Variants in TSPAN18 observed in about 807,000 individuals in gnomAD.
TSPAN18 encodes the protein tetraspanin-18.
Under a neutral mutation model 27.3 loss-of-function variants are expected in TSPAN18, and 14 were observed. That is an observed-to-expected ratio of 0.51 (90% CI 0.34 to 0.80). The LOEUF is 0.80. Among genes scored for constraint, TSPAN18 ranks in the 30% least tolerant of loss-of-function variants. The probability of loss-of-function intolerance (pLI) is 0.01; values close to 1 mark genes in which losing one functional copy is unlikely to be tolerated. For missense variants in TSPAN18, 268 were observed against 323.9 expected (o/e 0.83, Z 1.32); for synonymous variants, 143 against 136.5 (o/e 1.05, Z -0.33).
chr11:44,908,744 A>AAGAGAG (rs56785088), intron 4 of TSPAN18, among the ~76,000 whole-genome samples: 1 of 90,470 alleles, frequency 1.1e-5, no homozygotes, highest in African/African-American at 4.7e-5. Flanking sequence ...AAAAGAAAGA[A>AAGAGAG]AGAGAGAGAG....
Position 44,932,066 on chromosome 11 carries a change from T to C in TSPAN18, c.*2888T>C, listed in dbSNP as rs1479830327. ...CCAGGGTCCCTGTTAATTTCTGGCC[T>C]TGGTGCTCAGGCCTGTCCACAGCCT... On this transcript the variant is annotated 3_prime_UTR_variant, in exon 10 of 10. Coordinates refer to ENST00000520358, the MANE Select transcript of TSPAN18 (RefSeq NM_130783.5). 1 of 152,212 alleles carries C rather than the reference T, an allele frequency of 6.6e-6. No homozygotes were observed. The highest frequency in any genetic ancestry group is 2.4e-5 in the African/African-American group (1 of 41,430). The allele number at this position is 152,212 out of a possible 1,614,324, so 9.4% of individuals were successfully genotyped here.
chr11:44,762,348 T>A (rs1025448265), intron 1 of TSPAN18, among the ~76,000 whole-genome samples: 1 of 152,248 alleles, frequency 6.6e-6, no homozygotes, highest in East Asian at 1.9e-4. Flanking sequence ...TGACAAATGA[T>A]ATTGCAGAAT....
chr11:44,760,532 T>C (rs1855430282), intron 1 of TSPAN18, among the ~76,000 whole-genome samples: 1 of 152,348 alleles, frequency 6.6e-6, no homozygotes. Flanking sequence ...TGTATGTATG[T>C]TATATTTCAA....
At chr11:44,802,533 G>T (rs1856504111) in intron 2 of TSPAN18, among the ~76,000 whole-genome samples, 1 of 152,040 alleles carries the variant, frequency 6.6e-6, no homozygotes, top group Non-Finnish European at 1.5e-5. Context: ...CCAGAGACCA[G>T]AGAAGATAGA....
intron 2 of TSPAN18, among the ~76,000 whole-genome samples, chr11:44,840,074 C>CA (rs757071758): frequency 1.2e-4 from 18 of 152,214 alleles, no homozygotes; most frequent in Non-Finnish European, 2.2e-4. Context: ...TGCGCAAAAC[C>CA]AATGTGCTGC....
intron 3 of TSPAN18, among the ~76,000 whole-genome samples, chr11:44,905,763 G>A (rs973763010): frequency 1.3e-5 from 2 of 152,220 alleles, no homozygotes; most frequent in Admixed American, 6.5e-5. Context: ...GGGCTCCCAG[G>A]GAGGTGGGAT....
At chr11:44,757,818 G>T (rs1023178191) in intron 1 of TSPAN18, among the ~76,000 whole-genome samples, 3 of 152,020 alleles carry the variant, frequency 2.0e-5, no homozygotes, top group East Asian at 1.9e-4. Context: ...TTTTAATTGG[G>T]TTTTTTTGTT....
At chr11:44,847,013 C>T (rs770944182) in intron 2 of TSPAN18, among the ~76,000 whole-genome samples, 5 of 152,110 alleles carry the variant, frequency 3.3e-5, no homozygotes, top group Non-Finnish European at 5.9e-5. Flanking sequence ...TGGGAAGATT[C>T]GCGAAGCACT....
At chr11:44,911,752 AG>A (rs1235786345) in intron 5 of TSPAN18, among the ~76,000 whole-genome samples, 1 of 151,966 alleles carries the variant, frequency 6.6e-6, no homozygotes, top group Non-Finnish European at 1.5e-5. Flanking sequence ...AGTCTCCTCC[AG>A]TAAGTGGCTG....
chr11:44,845,072 A>G (rs1172180874), intron 2 of TSPAN18, among the ~76,000 whole-genome samples: 2 of 152,226 alleles, frequency 1.3e-5, no homozygotes, highest in African/African-American at 2.4e-5. Flanking sequence ...GTCTTATTCC[A>G]TCATTAGTTT....
In TSPAN18 at chr11:44,769,866, C is replaced by G. The variant is rs1286178105; in HGVS notation, c.-153+5354C>G. ...TTTATAGATCTTTTCAAAGAACCAG[C>G]ATTTGGATTTGTTGAATTGATTTCC... On this transcript the variant is annotated intron_variant, in intron 2 of 9. Transcript: ENST00000520358. Among the ~76,000 whole-genome samples, 12 of 152,172 alleles carry G rather than the reference C, an allele frequency of 7.9e-5. 1 individual carries two copies. Among genetic ancestry groups the G allele is most frequent in the Admixed American group, 7.9e-4 (12 of 15,276 alleles).
At chr11:44,755,605 AC>A (rs1306429290) in intron 1 of TSPAN18, among the ~76,000 whole-genome samples, 2 of 151,028 alleles carry the variant, frequency 1.3e-5, no homozygotes, top group Admixed American at 6.6e-5. Flanking sequence ...CTGCCCCCAC[AC>A]CAACCCCCTA....
chr11:44,777,154 G>A (rs1006538183), intron 2 of TSPAN18, among the ~76,000 whole-genome samples: 4 of 152,224 alleles, frequency 2.6e-5, no homozygotes, highest in African/African-American at 7.2e-5. Flanking sequence ...GGGGATGCTG[G>A]CCCTCAAATA....
At chr11:44,833,675 A>C (rs1216248545) in intron 2 of TSPAN18, among the ~76,000 whole-genome samples, 1 of 152,186 alleles carries the variant, frequency 6.6e-6, no homozygotes, top group Non-Finnish European at 1.5e-5. Context: ...ATGGCTGGGC[A>C]GGGGAGAGGG....
At chr11:44,786,106 G>C (rs1856051005) in intron 2 of TSPAN18, among the ~76,000 whole-genome samples, 1 of 152,280 alleles carries the variant, frequency 6.6e-6, no homozygotes, top group Admixed American at 6.5e-5. Context: ...AGGGCACCAA[G>C]TGATGCCACA....
chr11:44,833,428 G>A (rs1314575208), intron 2 of TSPAN18, among the ~76,000 whole-genome samples: 1 of 151,348 alleles, frequency 6.6e-6, no homozygotes, highest in Non-Finnish European at 1.5e-5. Flanking sequence ...GTTTGCAAGA[G>A]CTTTACCTTC....
intron 1 of TSPAN18, among the ~76,000 whole-genome samples, chr11:44,735,104 G>A (rs532111253): frequency 1.2e-4 from 18 of 152,310 alleles, no homozygotes; most frequent in African/African-American, 4.1e-4. Context: ...TGAGCATAGT[G>A]AACACTTGTT....
intron 8 of TSPAN18, among the ~76,000 whole-genome samples, 178 bp downstream of exon 8, chr11:44,920,177 A>T (rs1860074041): frequency 6.6e-6 from 1 of 152,184 alleles, no homozygotes; most frequent in South Asian, 2.1e-4. Flanking sequence ...CTCTCTGTCC[A>T]AGCCCCTGAG....
At chr11:44,765,071 G>T (rs1448057202) in intron 2 of TSPAN18, among the ~76,000 whole-genome samples, 1 of 152,132 alleles carries the variant, frequency 6.6e-6, no homozygotes, top group Non-Finnish European at 1.5e-5. Flanking sequence ...CATGATTCTG[G>T]GACTGGTGGT....
Sources: allele counts gnomAD v4.1 joint callset (sites outside exome capture counted in the v4.1 genomes callset), GRCh38; gene constraint gnomAD v4.1.1; transcripts MANE v1.5; gene names NCBI Gene and HGNC (gene_info 2026-07-23, HGNC 2026-07-21).